Variants in LIN52 observed in about 807,000 individuals in gnomAD.
The protein encoded by LIN52 is protein lin-52 homolog.
LIN52 carries 4 observed loss-of-function variants against 18.5 expected under a neutral mutation model. The ratio of observed to expected loss-of-function variants is 0.22; its 90% CI spans 0.11 to 0.49. The LOEUF is 0.49. Ranked by LOEUF, LIN52 falls within the 20% of genes least tolerant of loss-of-function variation. LIN52 has a pLI of 0.97. For synonymous variants in LIN52, 34 were observed against 45.5 expected, an observed-to-expected ratio of 0.75 and a Z score of 1.02; for missense variants, 102 against 139.5, an observed-to-expected ratio of 0.73 and a Z score of 1.35.
At position 74,198,924 on chromosome 14, in the gene LIN52, A is replaced by G; in HGVS notation, c.286A>G (p.Arg96Gly). 6.2e-7 allele frequency: 1 copy of G among 1,610,618 alleles called. No individual in the cohort carries two copies. Among genetic ancestry groups the G allele is most frequent in the Non-Finnish European group, 8.5e-7 (1 of 1,177,030 alleles). Residue 96 changes from arginine to glycine, a missense_variant and splice_region_variant, in exon 6 of 6, where the codon AGA becomes GGA. By Grantham distance (125) the Arg-to-Gly change is moderately radical. Coordinates refer to ENST00000555028, the MANE Select transcript of LIN52 (RefSeq NM_001024674.3). Reference sequence around the variant, plus strand: ...ATTTGTTTGCTTTGTGATTCCAGCCAGAGAGATGACACGGGGGAAATTCCT... The same window carrying G: ...ATTTGTTTGCTTTGTGATTCCAGCCGGAGAGATGACACGGGGGAAATTCCT... ...LAYQLGLDES[R>G]EMTRGKFLNI...
chr14:74,153,605 C>T (rs1296926263), intron 5 of LIN52, among the ~76,000 whole-genome samples: 3 of 149,928 alleles, frequency 2.0e-5, no homozygotes, highest in Admixed American at 6.7e-5. Flanking sequence ...AGTACAGTGG[C>T]GCAATCTTGG....
At chr14:74,136,029 G>A (rs1046739181) in intron 5 of LIN52, among the ~76,000 whole-genome samples, 1 of 152,128 alleles carries the variant, frequency 6.6e-6, no homozygotes, top group Non-Finnish European at 1.5e-5. Flanking sequence ...CATGGAGTAA[G>A]CTTGTGAAAT....
intron 5 of LIN52, among the ~76,000 whole-genome samples, chr14:74,196,197 G>A (rs2078911530): frequency 6.6e-6 from 1 of 152,164 alleles, no homozygotes; most frequent in Non-Finnish European, 1.5e-5. Context: ...AGTAGAAAAA[G>A]GGTTGTTAAA....
At chr14:74,130,951 TTTA>T (rs1299252945) in intron 5 of LIN52, among the ~76,000 whole-genome samples, 1 of 150,502 alleles carries the variant, frequency 6.6e-6, no homozygotes, top group Non-Finnish European at 1.5e-5. Flanking sequence ...AATTAAAATT[TTTA>T]TTATTTATTT....
chr14:74,096,906 A>G (rs961326777), intron 3 of LIN52, among the ~76,000 whole-genome samples: 1 of 152,204 alleles, frequency 6.6e-6, no homozygotes, highest in African/African-American at 2.4e-5. Context: ...CTCGTGTGCA[A>G]CTAGCATTAA....
At chr14:74,177,887 C>T (rs1595187652) in intron 5 of LIN52, among the ~76,000 whole-genome samples, 1 of 152,188 alleles carries the variant, frequency 6.6e-6, no homozygotes, top group African/African-American at 2.4e-5. Context: ...AAGCAATTCT[C>T]CTGCCTCAGC....
intron 2 of LIN52, 87 bp downstream of exon 2, chr14:74,091,393 G>A: frequency 8.2e-6 from 8 of 980,658 alleles, no homozygotes; most frequent in Admixed American, 2.7e-5. Flanking sequence ...TATTTATTTT[G>A]TAAATTTTTA....
At chr14:74,152,704 G>A (rs1015211859) in intron 5 of LIN52, among the ~76,000 whole-genome samples, 3 of 151,920 alleles carry the variant, frequency 2.0e-5, no homozygotes, top group African/African-American at 7.3e-5. Flanking sequence ...GCTTACGCCT[G>A]TAATCCCAGC....
chr14:74,100,929 T>C (rs180853529), intron 4 of LIN52, among the ~76,000 whole-genome samples: 2 of 152,320 alleles, frequency 1.3e-5, no homozygotes, highest in East Asian at 1.9e-4. Context: ...TTATGCTAGT[T>C]CTTTTCTTAT....
At chr14:74,165,748 ATCCGCCCACC>A (rs1044954830) in intron 5 of LIN52, among the ~76,000 whole-genome samples, 1 of 151,876 alleles carries the variant, frequency 6.6e-6, no homozygotes, top group Non-Finnish European at 1.5e-5. Context: ...GCCTCAAGTG[ATCCGCCCACC>A]TCCGCCTCCC....
chr14:74,173,673 A>T (rs1472739927), intron 5 of LIN52, among the ~76,000 whole-genome samples: 5 of 152,236 alleles, frequency 3.3e-5, no homozygotes, highest in African/African-American at 1.2e-4. Flanking sequence ...TTTTTCAAAT[A>T]ATTATTCATA....
At chr14:74,192,231 A>G (rs891461516) in intron 5 of LIN52, among the ~76,000 whole-genome samples, 1 of 152,052 alleles carries the variant, frequency 6.6e-6, no homozygotes, top group Non-Finnish European at 1.5e-5. Context: ...CATGACTGAC[A>G]AGAAGGCCAA....
intron 5 of LIN52, among the ~76,000 whole-genome samples, chr14:74,190,518 A>G (rs1014674113): frequency 2.0e-5 from 3 of 149,892 alleles, no homozygotes; most frequent in African/African-American, 7.4e-5. Flanking sequence ...CAGCCTCCCA[A>G]GTAGCTGGGA....
At chr14:74,192,452 ATTTTTGTATT>A (rs2139596140) in intron 5 of LIN52, 1 of 156,696 alleles carries the variant, frequency 6.4e-6, no homozygotes, top group East Asian at 1.9e-4. Flanking sequence ...CGCCCAGCTA[ATTTTTGTATT>A]TTTAGTAGAG....
At chr14:74,161,486 C>T (rs531186753) in intron 5 of LIN52, among the ~76,000 whole-genome samples, 2 of 152,206 alleles carry the variant, frequency 1.3e-5, no homozygotes, top group Admixed American at 1.3e-4. Context: ...CGTGCCCGGT[C>T]TGAACAGGGA....
intron 5 of LIN52, among the ~76,000 whole-genome samples, chr14:74,177,823 G>T (rs1018439272): frequency 1.3e-5 from 2 of 152,174 alleles, no homozygotes; most frequent in African/African-American, 4.8e-5. Flanking sequence ...TGTCGCCCAG[G>T]CTGGAGTGCA....
At chr14:74,167,873 C>G (rs1177043182) in intron 5 of LIN52, among the ~76,000 whole-genome samples, 2 of 152,128 alleles carry the variant, frequency 1.3e-5, no homozygotes, top group African/African-American at 4.8e-5. Context: ...TTCCATTTAT[C>G]TACCTTGACT....
At chr14:74,110,798 A>G (rs1239508172) in intron 5 of LIN52, among the ~76,000 whole-genome samples, 1 of 151,970 alleles carries the variant, frequency 6.6e-6, no homozygotes, top group Non-Finnish European at 1.5e-5. Flanking sequence ...CCCCGTCTCT[A>G]CTAAAAATAC....
chr14:74,173,159 A>G (rs1472190979), intron 5 of LIN52, among the ~76,000 whole-genome samples: 1 of 152,114 alleles, frequency 6.6e-6, no homozygotes, highest in Non-Finnish European at 1.5e-5. Flanking sequence ...ATTTACATGT[A>G]CTAAGGATTA....
Sources: allele counts gnomAD v4.1 joint callset (sites outside exome capture counted in the v4.1 genomes callset), GRCh38; gene constraint gnomAD v4.1.1; transcripts MANE v1.5; gene names NCBI Gene and HGNC (gene_info 2026-07-23, HGNC 2026-07-21).